The following PRKG1 variants were observed in gnomAD, a reference collection of about 807,000 sequenced individuals.
PRKG1 encodes the protein protein kinase cGMP-dependent 1.
In PRKG1, 35 loss-of-function variants were observed where a neutral mutation model predicts 88.1. The ratio of observed to expected loss-of-function variants is 0.40; its 90% confidence interval spans 0.30 to 0.53. The LOEUF is 0.53. Ranked by LOEUF, PRKG1 falls within the 20% of genes least tolerant of loss-of-function variation. The pLI, the probability that PRKG1 is intolerant of heterozygous loss-of-function variation, is 0.59. For missense variants in PRKG1, 540 were observed against 839.8 expected (o/e 0.64, Z 4.41); for synonymous variants, 303 against 292.5 (o/e 1.04, Z -0.37).
intron 5 of PRKG1, among the ~76,000 whole-genome samples, chr10:51,942,815 T>C (rs1485350786): frequency 6.6e-6 from 1 of 151,084 alleles, no homozygotes; most frequent in Non-Finnish European, 1.5e-5. Flanking sequence ...GATCTATATC[T>C]CTGTTTTGGT....
intron 7 of PRKG1, among the ~76,000 whole-genome samples, chr10:52,066,120 G>C (rs1285167462): frequency 2.0e-5 from 3 of 152,130 alleles, no homozygotes; most frequent in Non-Finnish European, 2.9e-5. Context: ...TGTCACCAGA[G>C]ATTTGCTAGT....
At chr10:51,372,959 T>G (rs565800032) in intron 2 of PRKG1, among the ~76,000 whole-genome samples, 1 of 152,308 alleles carries the variant, frequency 6.6e-6, no homozygotes, top group African/African-American at 2.4e-5. Context: ...TTTTAACTTA[T>G]GTTCGTGACA....
chr10:51,515,585 T>A (rs2132068219), intron 3 of PRKG1, among the ~76,000 whole-genome samples: 1 of 152,342 alleles, frequency 6.6e-6, no homozygotes, highest in South Asian at 2.1e-4. Flanking sequence ...ACCTGGAATT[T>A]CAAGCATGTT....
chr10:51,404,825 T>G (rs1837860502), intron 2 of PRKG1, among the ~76,000 whole-genome samples: 1 of 152,156 alleles, frequency 6.6e-6, no homozygotes, highest in Non-Finnish European at 1.5e-5. Context: ...GCCCTTTCAT[T>G]CTCTCACCTC....
intron 2 of PRKG1, among the ~76,000 whole-genome samples, chr10:51,194,360 G>A (rs555233414): frequency 1.6e-3 from 237 of 151,848 alleles, no homozygotes; most frequent in African/African-American, 5.2e-3. Flanking sequence ...TCTGCATTAG[G>A]TATTTCTCCT....
chr10:51,127,002 A>G (rs1336543882), intron 1 of PRKG1, among the ~76,000 whole-genome samples: 1 of 152,202 alleles, frequency 6.6e-6, no homozygotes, highest in African/African-American at 2.4e-5. Flanking sequence ...CAAAAACCAT[A>G]TGCACCCTAG....
intron 2 of PRKG1, among the ~76,000 whole-genome samples, chr10:51,405,646 A>G (rs1837887851): frequency 6.6e-6 from 1 of 152,214 alleles, no homozygotes; most frequent in Non-Finnish European, 1.5e-5. Flanking sequence ...TAGGATCCAA[A>G]TATTTGGCTC....
intron 8 of PRKG1, among the ~76,000 whole-genome samples, chr10:52,160,453 G>T (rs1333887288): frequency 1.3e-5 from 2 of 151,542 alleles, no homozygotes; most frequent in South Asian, 2.1e-4. Flanking sequence ...TTGATTCCCC[G>T]TGTCTCTGTC....
intron 1 of PRKG1, among the ~76,000 whole-genome samples, chr10:50,992,767 G>A (rs1360662682): frequency 6.9e-6 from 1 of 145,286 alleles, no homozygotes; most frequent in East Asian, 2.1e-4. Context: ...AAGCGCCTCT[G>A]GACATTAGGG....
intron 2 of PRKG1, among the ~76,000 whole-genome samples, chr10:51,201,273 C>G (rs1180613330): frequency 6.6e-6 from 1 of 151,950 alleles, no homozygotes; most frequent in Non-Finnish European, 1.5e-5. Flanking sequence ...CCAGCCTGGC[C>G]AAACTCCATC....
At chr10:52,227,991 T>C (rs1452373791) in intron 9 of PRKG1, among the ~76,000 whole-genome samples, 1 of 152,198 alleles carries the variant, frequency 6.6e-6, no homozygotes, top group Non-Finnish European at 1.5e-5. Flanking sequence ...AGCTTTAATG[T>C]CTGTTTTAGC....
chr10:51,771,113 TG>T (rs1838292895), intron 3 of PRKG1, among the ~76,000 whole-genome samples: 1 of 152,186 alleles, frequency 6.6e-6, no homozygotes. Context: ...GTTAGTTTGG[TG>T]CAAAAGCAGT....
intron 5 of PRKG1, among the ~76,000 whole-genome samples, chr10:52,004,565 A>G (rs946080271): frequency 6.6e-6 from 1 of 152,302 alleles, no homozygotes; most frequent in Non-Finnish European, 1.5e-5. Flanking sequence ...ATTCTTATGT[A>G]TGTTAGGGAG....
intron 3 of PRKG1, among the ~76,000 whole-genome samples, chr10:51,750,540 G>GA (rs34463978): frequency 6.6e-6 from 1 of 152,104 alleles, no homozygotes; most frequent in African/African-American, 2.4e-5. Context: ...TACACTGTGG[G>GA]AAAAAATGTA....
At chr10:51,317,151 A>C (rs1388958380) in intron 2 of PRKG1, among the ~76,000 whole-genome samples, 1 of 152,208 alleles carries the variant, frequency 6.6e-6, no homozygotes, top group African/African-American at 2.4e-5. Context: ...AGCCAACTGC[A>C]CTTTAGATTC....
chr10:51,971,118 G>A (rs73339250), intron 5 of PRKG1, among the ~76,000 whole-genome samples: 2,769 of 151,884 alleles, frequency 0.018, 73 homozygotes, highest in African/African-American at 0.063. Context: ...CAAGCAACGT[G>A]AATGAATCCA....
chr10:51,393,143 G>A (rs1458019241), intron 2 of PRKG1, among the ~76,000 whole-genome samples: 1 of 144,574 alleles, frequency 6.9e-6, no homozygotes, highest in Admixed American at 6.9e-5. Context: ...CTTCTCAGAC[G>A]GGGCGGCCGG....
chr10:51,045,749 T>G (rs191697629), intron 1 of PRKG1, among the ~76,000 whole-genome samples: 2 of 152,316 alleles, frequency 1.3e-5, no homozygotes, highest in Non-Finnish European at 2.9e-5. Context: ...ATAAAATATT[T>G]TCTACCTTAT....
chr10:51,823,560 T>A (rs1396885229), intron 4 of PRKG1, among the ~76,000 whole-genome samples: 2 of 151,972 alleles, frequency 1.3e-5, no homozygotes, highest in Non-Finnish European at 2.9e-5. Flanking sequence ...CTTCTCAGCA[T>A]CATCAAGTCC....
Sources: allele counts gnomAD v4.1 joint callset (sites outside exome capture counted in the v4.1 genomes callset), GRCh38; gene constraint gnomAD v4.1.1; transcripts MANE v1.5; gene names NCBI Gene and HGNC (gene_info 2026-07-23, HGNC 2026-07-21).